CORO7: variants seen among roughly 807,000 people sequenced by gnomAD.
CORO7 encodes the protein coronin 7.
In CORO7, 107 loss-of-function variants were observed where a neutral mutation model predicts 126.6. The ratio of observed to expected loss-of-function variants is 0.85; its 90% CI spans 0.72 to 0.99. CORO7 has a LOEUF of 0.99. Among genes scored for constraint, CORO7 ranks in the 50% least tolerant of loss-of-function variants. CORO7 has a pLI of 0.00. For missense variants in CORO7, 1,314 were observed against 1,255.8 expected, an observed-to-expected ratio of 1.05 and a Z score of -0.70; for synonymous variants, 603 against 536.8, an observed-to-expected ratio of 1.12 and a Z score of -1.70.
chr16:4,404,838 A>G (rs2055938531), intron 6 of CORO7, among the ~76,000 whole-genome samples: 1 of 151,780 alleles, frequency 6.6e-6, no homozygotes, highest in South Asian at 2.1e-4. Flanking sequence ...CCTGCCACAC[A>G]CTGTCCATGT....
At chr16:4,390,870 G>A (rs1290988206) in intron 7 of CORO7, among the ~76,000 whole-genome samples, 3 of 152,210 alleles carry the variant, frequency 2.0e-5, no homozygotes, top group Non-Finnish European at 2.9e-5. Flanking sequence ...GAAGGGAGGA[G>A]GAGCCGCCCA....
chr16:4,387,860 C>A, intron 9 of CORO7, 126 bp downstream of exon 9: 1 of 1,238,034 alleles, frequency 8.1e-7, no homozygotes, highest in Admixed American at 2.1e-5. Context: ...GCCTTGCAGC[C>A]CAGATCAGGT....
intron 5 of CORO7, 37 bp from the exon 6 acceptor site, chr16:4,405,604 G>A: frequency 6.2e-7 from 1 of 1,603,942 alleles, no homozygotes; most frequent in Non-Finnish European, 8.5e-7. Flanking sequence ...CCCGGGCAGT[G>A]AGGGCACCAG....
chr16:4,387,185 C>T (rs1409944197), intron 9 of CORO7, among the ~76,000 whole-genome samples: 2 of 152,108 alleles, frequency 1.3e-5, no homozygotes, highest in African/African-American at 2.4e-5. Flanking sequence ...ACACCCCCCC[C>T]AGCCTCAGTC....
intron 8 of CORO7, 27 bp downstream of exon 8, chr16:4,388,518 C>T: frequency 6.2e-7 from 1 of 1,604,814 alleles, no homozygotes; most frequent in Non-Finnish European, 8.5e-7. Context: ...CTGGCCGTGC[C>T]CTGCTCCTCC....
intron 9 of CORO7, among the ~76,000 whole-genome samples, chr16:4,367,717 G>A (rs564094565): frequency 1.3e-5 from 2 of 152,280 alleles, no homozygotes; most frequent in South Asian, 2.1e-4. Flanking sequence ...CCTGTGGCAG[G>A]TGGGTTCATG....
Position 4,373,315 on chromosome 16 carries a change from G to C in CORO7, c.786-7770C>G, listed in dbSNP as rs1364342110. On this transcript the variant is annotated intron_variant, in intron 9 of 27. Transcript: ENST00000251166. ...CCCTGGGCCTGGGGAGGGAGGATGC[G>C]CACACACATGCCAGCCTGGGGGCCG... Among the ~76,000 whole-genome samples, 3 of 152,156 alleles carry C rather than the reference G, an allele frequency of 2.0e-5. No individual in the cohort carries two copies. In the East Asian group the frequency reaches 5.8e-4, roughly 29 times the overall value.
intron 7 of CORO7, among the ~76,000 whole-genome samples, chr16:4,390,503 G>A (rs181708479): frequency 1.6e-3 from 237 of 152,326 alleles, no homozygotes; most frequent in African/African-American, 5.3e-3. Context: ...GTTGATAGGC[G>A]TGAGCCAGGT....
chr16:4,384,369 A>C (rs893014002), intron 9 of CORO7, among the ~76,000 whole-genome samples: 1 of 152,174 alleles, frequency 6.6e-6, no homozygotes, highest in African/African-American at 2.4e-5. Context: ...GACTGGGTGC[A>C]GGGGGCTTGG....
At chr16:4,373,176 C>G (rs2054595093) in intron 9 of CORO7, among the ~76,000 whole-genome samples, 3 of 152,262 alleles carry the variant, frequency 2.0e-5, no homozygotes, top group Admixed American at 2.0e-4. Flanking sequence ...TGAGTTTACT[C>G]TCTTCTCCCA....
At chr16:4,357,587 C>G (rs1191762048) in intron 25 of CORO7, 17 of 335,494 alleles carry the variant, frequency 5.1e-5, no homozygotes, top group Non-Finnish European at 8.7e-5. Flanking sequence ...AACCCCCGAC[C>G]TCAGGTGATC....
chr16:4,380,394 C>T (rs549444234), intron 9 of CORO7, among the ~76,000 whole-genome samples: 3 of 152,248 alleles, frequency 2.0e-5, no homozygotes, highest in Non-Finnish European at 4.4e-5. Context: ...CCAAGGAGGG[C>T]GGGACACGGA....
chr16:4,406,724 CT>C (rs1243995741), intron 5 of CORO7, among the ~76,000 whole-genome samples: 1 of 152,058 alleles, frequency 6.6e-6, no homozygotes, highest in East Asian at 1.9e-4. Flanking sequence ...ACTGCAACCT[CT>C]GCCTCCTGGG....
rs1347138296 is a variant in CORO7 at position 4,381,690 on chromosome 16, G to A, written c.785+6296C>T. ...TGGCTGCCCTGCAGGAGCTGGATGT[G>A]AGCAACCTAAGCCTGCAGGCCCTGC... is the stretch of plus-strand genomic sequence containing the variant. On this transcript the variant is annotated intron_variant, in intron 9 of 27. Coordinates refer to ENST00000251166, the MANE Select transcript of CORO7 (RefSeq NM_024535.5). 4 of 1,607,818 alleles carry A rather than the reference G, an allele frequency of 2.5e-6. No homozygotes were observed. The African/African-American group carries it at 4.0e-5, about 16-fold the overall frequency.
At chr16:4,357,829 C>T (rs1307351939) in intron 25 of CORO7, 139 bp downstream of exon 25, 2 of 1,435,752 alleles carry the variant, frequency 1.4e-6, no homozygotes, top group East Asian at 2.5e-5. Context: ...GGCTCAGAGA[C>T]TGATTGACAC....
intron 4 of CORO7, 60 bp from the exon 5 acceptor site, chr16:4,407,744 T>C: frequency 6.7e-7 from 1 of 1,492,672 alleles, no homozygotes; most frequent in Admixed American, 2.4e-5. Flanking sequence ...TTGAGTCAGC[T>C]GCCGTGACCC....
intron 26 of CORO7, chr16:4,356,964 G>A: frequency 2.9e-6 from 2 of 697,842 alleles, no homozygotes; most frequent in East Asian, 2.8e-5. Context: ...GGCCAGGGCA[G>A]GGCTCCCACT....
At chr16:4,397,961 G>A (rs1186088155) in intron 6 of CORO7, among the ~76,000 whole-genome samples, 1 of 151,304 alleles carries the variant, frequency 6.6e-6, no homozygotes, top group African/African-American at 2.4e-5. Flanking sequence ...CTGTTGCCCA[G>A]GCCCAAGCGC....
Position 4,407,536 on chromosome 16 carries a change from T to G in CORO7, c.452A>C (p.Lys151Thr), listed in dbSNP as rs749973698. The change falls in exon 5 of 28, where the codon AAG becomes ACG. Residue 151 changes from lysine to threonine, a missense_variant. Lys to Thr is a moderately conservative substitution (Grantham distance 78). Transcript: ENST00000251166. ...ILVSAAGTTV[K>T]VWDAAKQQPL... ...CTGCTGCTTGGCTGCGTCCCAGACC[T>G]TCACAGTGGTGCCTGCTGCGCTCAC... The G allele has an allele frequency of 3.8e-6, 6 of 1,577,264 alleles. No individual in the cohort carries two copies. The East Asian group carries it at 1.4e-4, about 37-fold the overall frequency.
Sources: allele counts gnomAD v4.1 joint callset (sites outside exome capture counted in the v4.1 genomes callset), GRCh38; gene constraint gnomAD v4.1.1; transcripts MANE v1.5; gene names NCBI Gene and HGNC (gene_info 2026-07-23, HGNC 2026-07-21).